The following NCOR1 variants were observed in gnomAD, a reference collection of about 807,000 sequenced individuals.
NCOR1 encodes protein phosphatase 1, regulatory subunit 109.
Under a neutral mutation model 288.1 loss-of-function variants are expected in NCOR1, and 63 were observed. That is an observed-to-expected ratio of 0.22 (90% CI 0.18 to 0.27). The LOEUF (loss-of-function observed/expected upper bound fraction) is 0.27. NCOR1 is among the 10% of genes least tolerant of loss of function. NCOR1 has a pLI of 1.00. For missense variants in NCOR1, 2,397 were observed against 3,019.2 expected, an observed-to-expected ratio of 0.79 and a Z score of 4.83; for synonymous variants, 1,007 against 1,065.9, an observed-to-expected ratio of 0.94 and a Z score of 1.08.
At chr17:16,180,076 G>GGTTTAACATAC (rs2153499880) in intron 3 of NCOR1, among the ~76,000 whole-genome samples, 1 of 152,132 alleles carries the variant, frequency 6.6e-6, no homozygotes, top group African/African-American at 2.4e-5. Flanking sequence ...ATGCAAGGCT[G>GGTTTAACATAC]GTTTAACATA....
At chr17:16,146,595 AT>A in intron 9 of NCOR1, 47 bp from the exon 10 acceptor site, 1 of 1,467,640 alleles carries the variant, frequency 6.8e-7, no homozygotes, top group Non-Finnish European at 9.2e-7. Flanking sequence ...CTAAACTCTG[AT>A]TCTGACAAAC....
chr17:16,161,140 A>C (rs1012304598), intron 5 of NCOR1, among the ~76,000 whole-genome samples: 1 of 151,940 alleles, frequency 6.6e-6, no homozygotes, highest in South Asian at 2.1e-4. Context: ...ATCCTTGTTA[A>C]GGAATAAACA....
intron 17 of NCOR1, among the ~76,000 whole-genome samples, chr17:16,118,630 CTA>C (rs2072277442): frequency 1.3e-5 from 2 of 152,178 alleles, no homozygotes; most frequent in South Asian, 2.1e-4. Flanking sequence ...GAATATGTAT[CTA>C]TGCATTTGTA....
chr17:16,209,671 G>C (rs1419512416), intron 1 of NCOR1, among the ~76,000 whole-genome samples: 2 of 151,652 alleles, frequency 1.3e-5, no homozygotes, highest in Non-Finnish European at 2.9e-5. Context: ...AATACACTCG[G>C]CCAAGTGCGA....
intron 7 of NCOR1, among the ~76,000 whole-genome samples, chr17:16,152,315 CCT>C (rs752861720): frequency 3.9e-5 from 6 of 152,120 alleles, no homozygotes; most frequent in African/African-American, 7.2e-5. Flanking sequence ...TGCCCCACCC[CCT>C]GACAGGCCCC....
Position 16,032,285 on chromosome 17 carries a change from CT to C in NCOR1, c.*10del, listed in dbSNP as rs1403965710. The C allele has an allele frequency of 6.3e-7, 1 of 1,599,850 alleles. No individual in the cohort carries two copies. The highest frequency in any genetic ancestry group is 2.3e-5 in the East Asian group (1 of 44,224). On this transcript the variant is annotated 3_prime_UTR_variant, in exon 46 of 46. Transcript: ENST00000268712. The stretch of plus-strand genomic sequence containing the variant: ...CCTCTCCTGCACCCTGTTCCCCTCA[CT>C]TTGTGCAGTTCAGTCATCACTATCC...
At chr17:16,178,355 C>G (rs1439605731) in intron 3 of NCOR1, among the ~76,000 whole-genome samples, 1 of 151,410 alleles carries the variant, frequency 6.6e-6, no homozygotes, top group South Asian at 2.1e-4. Flanking sequence ...AAGAATCAGC[C>G]GGGCATGGTG....
At chr17:16,106,312 T>C (rs1413995708) in intron 19 of NCOR1, among the ~76,000 whole-genome samples, 1 of 152,194 alleles carries the variant, frequency 6.6e-6, no homozygotes, top group Admixed American at 6.5e-5. Flanking sequence ...GCAGATGATA[T>C]CATTTGACAT....
intron 5 of NCOR1, among the ~76,000 whole-genome samples, chr17:16,164,214 C>T (rs1424370653): frequency 6.7e-6 from 1 of 149,862 alleles, no homozygotes; most frequent in East Asian, 1.9e-4. Context: ...GCACTCCAGC[C>T]TCGGTGACAG....
At position 16,139,011 on chromosome 17, in the gene NCOR1, T is replaced by C; in HGVS notation, c.1349A>G (p.Asp450Gly). 6.5e-7 allele frequency: 1 copy of C among 1,535,314 alleles called. No individual in the cohort carries two copies. Among genetic ancestry groups the C allele is most frequent in the Non-Finnish European group, 8.8e-7 (1 of 1,137,272 alleles). The change falls in exon 12 of 46, where the codon GAC becomes GGC. Residue 450 changes from aspartate (D) to glycine (G), a missense_variant. Asp to Gly is a moderately conservative substitution (Grantham distance 94). Coordinates refer to ENST00000268712, the MANE Select transcript of NCOR1 (RefSeq NM_006311.4). ...AATAATTTAAAATATAAATTACTTG[T>C]CCTTAAAGATCTCCTTTTCATGGTC... ...WTDHEKEIFK[D>G]KFIQHPKNFG...
At chr17:16,181,533 A>G (rs1416953963) in intron 3 of NCOR1, among the ~76,000 whole-genome samples, 1 of 152,154 alleles carries the variant, frequency 6.6e-6, no homozygotes, top group Non-Finnish European at 1.5e-5. Context: ...GATCTAATGT[A>G]TAACATGAGG....
intron 44 of NCOR1, among the ~76,000 whole-genome samples, chr17:16,038,241 T>G (rs1402308926): frequency 6.6e-6 from 1 of 152,216 alleles, no homozygotes; most frequent in African/African-American, 2.4e-5. Context: ...AGAAAAAGGT[T>G]GTAAGATTAA....
Position 16,158,836 on chromosome 17 carries a change from G to C in NCOR1, c.656C>G (p.Pro219Arg), listed in dbSNP as rs774278219. The change falls in exon 6 of 46, where the codon CCT (proline) becomes CGT (arginine). Residue 219 changes from proline (P) to arginine (R), a missense_variant. Pro to Arg is a moderately radical substitution (Grantham distance 103). Coordinates refer to ENST00000268712, the MANE Select transcript of NCOR1 (RefSeq NM_006311.4). ...LEEEAAKPPE[P>R]EKPVSPPPVE... ...AGGAGGAGGGGACACGGGCTTCTCA[G>C]GCTCAGGAGGTTTAGCTGCCTCTTC... The C allele has an allele frequency of 1.1e-4, 170 of 1,613,958 alleles. No homozygotes were observed. The highest frequency in any genetic ancestry group is 1.4e-4 in the Non-Finnish European group (166 of 1,180,016).
chr17:16,103,844 C>T (rs1203761469), intron 19 of NCOR1, among the ~76,000 whole-genome samples: 1 of 152,202 alleles, frequency 6.6e-6, no homozygotes, highest in Non-Finnish European at 1.5e-5. Context: ...AGTGAAACCC[C>T]GTCTCTACTA....
intron 1 of NCOR1, among the ~76,000 whole-genome samples, chr17:16,203,096 A>G (rs1352948606): frequency 4.0e-5 from 6 of 150,872 alleles, no homozygotes; most frequent in Non-Finnish European, 8.8e-5. Context: ...AGGCCTCTCC[A>G]TCTAACTACC....
intron 6 of NCOR1, among the ~76,000 whole-genome samples, chr17:16,154,015 C>CTT (rs61436082): frequency 2.2e-4 from 24 of 109,680 alleles, no homozygotes; most frequent in East Asian, 5.1e-4. Context: ...ATGCTATTTC[C>CTT]TTTTTTTTTT....
rs1253608367 is a variant in NCOR1 at position 16,145,587 on chromosome 17, T to C, written c.1082+789A>G. On this transcript the variant is annotated intron_variant, in intron 10 of 45. Coordinates refer to ENST00000268712, the MANE Select transcript of NCOR1 (RefSeq NM_006311.4). The stretch of plus-strand genomic sequence containing the variant: ...GAGGTGATGAGCGTCTCTGCCCGGC[T>C]GCCCAGTCTGAGACGTGAGGAGCCC... Among the ~76,000 whole-genome samples, 22 of 124,232 alleles carry C rather than the reference T, an allele frequency of 1.8e-4. 2 individuals carry two copies. The highest frequency in any genetic ancestry group is 4.3e-3 in the Middle Eastern group (1 of 230). 81.5% of individuals were successfully genotyped at this position (124,232 alleles called of 152,430 possible). A position where few individuals can be genotyped will look rare whatever the true frequency, so the allele number is the denominator to read the frequency against.
At chr17:16,195,947 A>C (rs2089684446) in intron 1 of NCOR1, among the ~76,000 whole-genome samples, 1 of 151,888 alleles carries the variant, frequency 6.6e-6, no homozygotes, top group South Asian at 2.1e-4. Flanking sequence ...ATGTATAAAA[A>C]TGTGTGCCAT....
chr17:16,170,731 A>G (rs1286370652), intron 4 of NCOR1, among the ~76,000 whole-genome samples: 1 of 151,784 alleles, frequency 6.6e-6, no homozygotes, highest in Non-Finnish European at 1.5e-5. Flanking sequence ...GCTACTCGGG[A>G]GGCTGAAGCA....
Sources: allele counts gnomAD v4.1 joint callset (sites outside exome capture counted in the v4.1 genomes callset), GRCh38; gene constraint gnomAD v4.1.1; transcripts MANE v1.5; gene names NCBI Gene and HGNC (gene_info 2026-07-23, HGNC 2026-07-21).